MYCBP2: variants seen among roughly 807,000 people sequenced by gnomAD.
The protein encoded by MYCBP2 is MYC binding protein 2, also known as E3 ubiquitin-protein ligase MYCBP2.
A neutral mutation model predicts 525.3 loss-of-function variants in MYCBP2; 120 were observed. That is an observed-to-expected ratio of 0.23 (90% CI 0.20 to 0.27). The LOEUF (loss-of-function observed/expected upper bound fraction) is 0.27. Ranked by LOEUF, MYCBP2 falls within the 10% of genes least tolerant of loss-of-function variation. The pLI, the probability that MYCBP2 is intolerant of heterozygous loss-of-function variation, is 1.00. For synonymous variants in MYCBP2, 1,894 were observed against 1,955.8 expected, an observed-to-expected ratio of 0.97 and a Z score of 0.83; for missense variants, 4,149 against 5,657.1, an observed-to-expected ratio of 0.73 and a Z score of 8.55.
chr13:77,139,467 T>G, intron 51 of MYCBP2, 131 bp from the exon 52 acceptor site: 2 of 1,003,156 alleles, frequency 2.0e-6, no homozygotes, highest in Non-Finnish European at 2.8e-6. Flanking sequence ...TTGCAGAAAG[T>G]AAGTCTGAGA....
chr13:77,164,743 T>A (rs964543268), intron 42 of MYCBP2, among the ~76,000 whole-genome samples: 30 of 152,236 alleles, frequency 2.0e-4, no homozygotes, highest in African/African-American at 7.2e-4. Flanking sequence ...TAAAGGTTCA[T>A]TGTTCAAATA....
chr13:77,242,873 C>T (rs1191958162), intron 17 of MYCBP2, among the ~76,000 whole-genome samples, 186 bp downstream of exon 17: 1 of 152,138 alleles, frequency 6.6e-6, no homozygotes, highest in African/African-American at 2.4e-5. Flanking sequence ...AATACCTAAA[C>T]GTATGTTATT....
intron 36 of MYCBP2, among the ~76,000 whole-genome samples, chr13:77,176,019 CT>C (rs35933603): frequency 0.055 from 7,822 of 142,848 alleles, 675 homozygotes; most frequent in African/African-American, 0.18. Context: ...AACAAAAACA[CT>C]TTTTTTTTTT....
At position 77,267,892 on chromosome 13, in the gene MYCBP2, T is replaced by C; in HGVS notation, c.1306A>G (p.Ile436Val). Residue 436 changes from isoleucine to valine, a missense_variant, in exon 8 of 83, where the codon ATA (isoleucine) becomes GTA (valine). Coordinates refer to ENST00000544440, the MANE Select transcript of MYCBP2 (RefSeq NM_015057.5). ...RDVNNHSMTAIRISPETLEQD... is the reference protein window; with the variant it reads ...RDVNNHSMTAVRISPETLEQD... ...TCCAGTGTTTCAGGGCTTATCCTTA[T>C]GGCTGTCATGCTGTGGTTATTCACA... The C allele has an allele frequency of 2.5e-6, 4 of 1,613,972 alleles. No individual in the cohort carries two copies. The highest frequency in any genetic ancestry group is 1.1e-5 in the South Asian group (1 of 91,074).
intron 55 of MYCBP2, among the ~76,000 whole-genome samples, chr13:77,115,382 T>C (rs550689421): frequency 2.0e-5 from 3 of 152,046 alleles, no homozygotes; most frequent in South Asian, 2.1e-4. Flanking sequence ...AAAAAGTAAA[T>C]TGTAGAACAG....
intron 79 of MYCBP2, among the ~76,000 whole-genome samples, chr13:77,056,091 C>G (rs1285338712): frequency 7.1e-6 from 1 of 141,026 alleles, no homozygotes. Flanking sequence ...AAGACACGCT[C>G]TGTGTTTGGT....
intron 42 of MYCBP2, 38 bp from the exon 43 acceptor site, chr13:77,164,579 T>G: frequency 8.2e-7 from 1 of 1,223,236 alleles, no homozygotes; most frequent in Non-Finnish European, 1.2e-6. Context: ...TTAAAAATGT[T>G]TGAATGATAA....
Position 77,098,932 on chromosome 13 carries a change from G to A in MYCBP2, c.8222C>T (p.Ser2741Leu), listed in dbSNP as rs775162412. The change falls in exon 56 of 83, where the codon TCG becomes TTG. Residue 2741 changes from serine to leucine, a missense_variant. Coordinates refer to ENST00000544440, the MANE Select transcript of MYCBP2 (RefSeq NM_015057.5). The part of the protein sequence containing the change: ...KSELSSKHSR[S>L]LKPDGRMSRT... ...GCTCATACGTCCATCAGGTTTAAGC[G>A]ATCTGCTGTGTTTAGAGGACAGCTC... 6.8e-6 allele frequency: 11 copies of A among 1,613,328 alleles called. No homozygotes were observed. The highest frequency in any genetic ancestry group is 4.5e-5 in the East Asian group (2 of 44,874).
intron 18 of MYCBP2, among the ~76,000 whole-genome samples, chr13:77,229,467 A>T (rs900153527): frequency 6.6e-6 from 1 of 152,212 alleles, no homozygotes; most frequent in Admixed American, 6.5e-5. Flanking sequence ...AAATGGTTGA[A>T]ACCTTAAATC....
At position 77,068,587 on chromosome 13, in the gene MYCBP2, G is replaced by A; in HGVS notation, c.12149C>T (p.Ala4050Val). 3.7e-6 allele frequency: 6 copies of A among 1,614,160 alleles called. No homozygotes were observed. Among genetic ancestry groups the A allele is most frequent in the Non-Finnish European group, 5.1e-6 (6 of 1,180,024 alleles). ...CACCTGTCTCTGGACTCTAGGAGAG[G>A]CTGTGTGAAGCAGCGAGAAGAGATC... is the stretch of plus-strand genomic sequence containing the variant. ...LQDLFSLLHT[A>V]SPRVQRQVTS... Residue 4050 changes from alanine (A) to valine (V), a missense_variant, in exon 70 of 83, where the codon GCC becomes GTC. This residue lies in a region of MYCBP2 where 64 missense variants were observed against 131.2 expected (regional missense o/e 0.49). Transcript: ENST00000544440.
intron 8 of MYCBP2, among the ~76,000 whole-genome samples, chr13:77,264,595 T>C (rs2073814611): frequency 6.6e-6 from 1 of 152,160 alleles, no homozygotes; most frequent in African/African-American, 2.4e-5. Flanking sequence ...TATATGCTTA[T>C]GCTTTTATTT....
At chr13:77,272,586 C>G (rs773361288) in intron 5 of MYCBP2, among the ~76,000 whole-genome samples, 1 of 152,104 alleles carries the variant, frequency 6.6e-6, no homozygotes, top group Admixed American at 6.5e-5. Flanking sequence ...CTACAGAACA[C>G]AGCTTGAAAA....
At chr13:77,204,061 T>C (rs1443708418) in intron 26 of MYCBP2, among the ~76,000 whole-genome samples, 3 of 150,110 alleles carry the variant, frequency 2.0e-5, no homozygotes, top group Admixed American at 6.6e-5. Context: ...CTAATTAAAC[T>C]AAAGAGCTTC....
At chr13:77,193,363 C>T (rs1443311569) in intron 27 of MYCBP2, among the ~76,000 whole-genome samples, 1 of 152,068 alleles carries the variant, frequency 6.6e-6, no homozygotes, top group Non-Finnish European at 1.5e-5. Flanking sequence ...GTATTTATAT[C>T]TTGTACAAGC....
At chr13:77,066,966 T>C (rs568429429) in intron 71 of MYCBP2, among the ~76,000 whole-genome samples, 1 of 152,212 alleles carries the variant, frequency 6.6e-6, no homozygotes, top group Non-Finnish European at 1.5e-5. Flanking sequence ...GTCATACTTC[T>C]ATATTATGCT....
chr13:77,050,925 C>T, intron 82 of MYCBP2, 72 bp downstream of exon 82: 2 of 1,315,678 alleles, frequency 1.5e-6, no homozygotes, highest in Non-Finnish European at 2.1e-6. Flanking sequence ...TGAAACAGAG[C>T]TTTCATATAA....
intron 14 of MYCBP2, among the ~76,000 whole-genome samples, chr13:77,257,061 C>T (rs533683679): frequency 1.3e-5 from 2 of 152,094 alleles, no homozygotes; most frequent in African/African-American, 4.8e-5. Flanking sequence ...ATAAAAAACA[C>T]TGAGATCCTA....
chr13:77,276,399 G>A (rs1301605681), intron 4 of MYCBP2, among the ~76,000 whole-genome samples: 2 of 151,804 alleles, frequency 1.3e-5, no homozygotes, highest in Admixed American at 1.3e-4. Context: ...AAGGAGGAGA[G>A]GCAAGTTTCA....
chr13:77,138,117 A>G (rs771810122), intron 52 of MYCBP2, among the ~76,000 whole-genome samples: 1 of 152,198 alleles, frequency 6.6e-6, no homozygotes, highest in Non-Finnish European at 1.5e-5. Context: ...TTATAGATGT[A>G]TCATTGTTCA....
Sources: gnomAD v4.1 joint callset for allele counts (sites outside exome capture counted in the v4.1 genomes callset) on GRCh38, gnomAD v4.1.1 for gene constraint, gnomAD v4.1.1 regional missense constraint, MANE v1.5 for transcripts, NCBI Gene and HGNC (gene_info 2026-07-23, HGNC 2026-07-21) for gene names.